CHAT: variants seen among roughly 807,000 people sequenced by gnomAD.
CHAT encodes the protein acetyl CoA:choline O-acetyltransferase.
CHAT carries 61 observed loss-of-function variants against 76.9 expected under a neutral mutation model. The ratio of observed to expected loss-of-function variants is 0.79; its 90% CI spans 0.65 to 0.98. The LOEUF is 0.98. Ranked by LOEUF, CHAT falls within the 50% of genes least tolerant of loss-of-function variation. The probability of loss-of-function intolerance (pLI) is 0.00; values close to 1 mark genes in which losing one functional copy is unlikely to be tolerated. For synonymous variants in CHAT, 407 were observed against 397.4 expected, an observed-to-expected ratio of 1.02 and a Z score of -0.29; for missense variants, 946 against 986.9, an observed-to-expected ratio of 0.96 and a Z score of 0.56.
intron 6 of CHAT, among the ~76,000 whole-genome samples, chr10:49,625,954 C>A (rs139070642): frequency 1.2e-3 from 183 of 152,328 alleles, no homozygotes; most frequent in African/African-American, 4.1e-3. Context: ...TCCATGCAGT[C>A]ACCCAGGCTC....
At position 49,615,784 on chromosome 10, in the gene CHAT, G is replaced by A. The variant is rs8178986; in HGVS notation, c.287-718G>A. The A allele has an allele frequency of 0.099, 53,365 of 537,370 alleles. 3,021 individuals carry two copies. Among genetic ancestry groups the A allele is most frequent in the Middle Eastern group, 0.12 (243 of 2,052 alleles). The allele number at this position is 537,370 out of a possible 1,614,324, so 33.3% of individuals were successfully genotyped here. ...GCCTCTCCCCAGACTAAGGCAGGTG[G>A]CCCCTAGGGGCCCTGGCTGCCCAGC... On this transcript the variant is annotated intron_variant, in intron 1 of 14. Coordinates refer to ENST00000337653, the MANE Select transcript of CHAT (RefSeq NM_020549.5).
intron 2 of CHAT, among the ~76,000 whole-genome samples, chr10:49,617,340 G>T (rs1212929827): frequency 6.6e-6 from 1 of 152,142 alleles, no homozygotes; most frequent in Non-Finnish European, 1.5e-5. Context: ...ACCCCATTGG[G>T]CTGTGGCTTC....
chr10:49,631,836 G>A lies in CHAT; in HGVS notation c.1111+4051G>A, dbSNP rs141116278. On this transcript the variant is annotated intron_variant, in intron 7 of 14. Coordinates refer to ENST00000337653, the MANE Select transcript of CHAT (RefSeq NM_020549.5). ...AGGATGGAGACTGGGCGTCCACATG[G>A]ATGCACATACTACCATAACGATGAT... 3.6e-3 allele frequency among the ~76,000 whole-genome samples: 547 copies of A among 152,210 alleles called. 3 individuals are homozygous for A. Among genetic ancestry groups the A allele is most frequent in the African/African-American group, 0.013 (520 of 41,506 alleles).
chr10:49,656,816 T>C (rs1840049335), intron 13 of CHAT, among the ~76,000 whole-genome samples: 1 of 152,012 alleles, frequency 6.6e-6, no homozygotes, highest in Non-Finnish European at 1.5e-5. Context: ...AGAACCTTTC[T>C]AATATGGAGG....
rs1261481689 is a variant in CHAT at position 49,667,251 on chromosome 10, A to G, written c.*2205A>G. Among the ~76,000 whole-genome samples the G allele has an allele frequency of 6.6e-6, 1 of 152,226 alleles. No homozygotes were observed. The highest frequency in any genetic ancestry group is 6.5e-5 in the Admixed American group (1 of 15,280). The stretch of plus-strand genomic sequence containing the variant: ...AGTCTCTCCTAGTCTATGGCATGCT[A>G]TCATGGGGTCAAGTAGGGGCAGGGA... On this transcript the variant is annotated 3_prime_UTR_variant, in exon 15 of 15. Transcript: ENST00000337653.
intron 4 of CHAT, among the ~76,000 whole-genome samples, chr10:49,620,856 T>C (rs1838681404): frequency 6.6e-6 from 1 of 152,210 alleles, no homozygotes; most frequent in Non-Finnish European, 1.5e-5. Context: ...TGGACACTCA[T>C]GGAGGTCATG....
chr10:49,662,553 G>A, intron 13 of CHAT, 92 bp from the exon 14 acceptor site: 2 of 1,537,916 alleles, frequency 1.3e-6, no homozygotes, highest in Non-Finnish European at 1.8e-6. Flanking sequence ...GGCTGCTGGA[G>A]TCACCAGCAG....
rs116852087 is a variant in CHAT, at chr10:49,626,189, C to T, written c.933+536C>T. 4.8e-3 allele frequency among the ~76,000 whole-genome samples: 730 copies of T among 152,262 alleles called. 3 individuals carry two copies. The highest frequency in any genetic ancestry group is 0.012 in the African/African-American group (491 of 41,564). On this transcript the variant is annotated intron_variant, in intron 6 of 14. Transcript: ENST00000337653. ...GAGTGGGAAGGAATCCTGGGTCTGG[C>T]CAGTGCCCTAAGGTCATGCTCTACC...
At chr10:49,633,288 T>G (rs763868520) in intron 7 of CHAT, among the ~76,000 whole-genome samples, 1 of 152,230 alleles carries the variant, frequency 6.6e-6, no homozygotes, top group Non-Finnish European at 1.5e-5. Flanking sequence ...GGTGTTTTCA[T>G]GTGCAGGCCA....
At chr10:49,633,749 C>G (rs530677486) in intron 7 of CHAT, among the ~76,000 whole-genome samples, 37 of 152,278 alleles carry the variant, frequency 2.4e-4, no homozygotes, top group African/African-American at 8.9e-4. Context: ...TGGAGAGCCC[C>G]CCAGCCCTCT....
upstream of CHAT, chr10:49,610,803 G>C: frequency 6.3e-7 from 1 of 1,593,402 alleles, no homozygotes; most frequent in Non-Finnish European, 8.5e-7. Context: ...CGGAGGCTGT[G>C]GGCGCGGCGC....
chr10:49,646,136 G>A (rs577981521), intron 7 of CHAT, among the ~76,000 whole-genome samples: 5 of 152,366 alleles, frequency 3.3e-5, no homozygotes, highest in African/African-American at 1.2e-4. Flanking sequence ...GGGTGCTGTT[G>A]GGTGGGGGAT....
chr10:49,637,520 G>A (rs773102261), intron 7 of CHAT: 9 of 152,190 alleles, frequency 5.9e-5, no homozygotes, highest in African/African-American at 2.4e-5. Context: ...CAGGAGATCT[G>A]ATGGTTTAAA....
chr10:49,640,334 T>C (rs12246493), intron 7 of CHAT, among the ~76,000 whole-genome samples: 1 of 152,174 alleles, frequency 6.6e-6, no homozygotes, highest in Non-Finnish European at 1.5e-5. Flanking sequence ...GGATATATTG[T>C]GTTATAAGAC....
At chr10:49,620,004 C>G in intron 3 of CHAT, 88 bp downstream of exon 3, 1 of 1,344,794 alleles carries the variant, frequency 7.4e-7, no homozygotes, top group Non-Finnish European at 1.0e-6. Context: ...AGGTAGGGGA[C>G]AAAGACAGGG....
At chr10:49,624,261 A>G (rs1838836041) in intron 5 of CHAT, among the ~76,000 whole-genome samples, 1 of 152,254 alleles carries the variant, frequency 6.6e-6, no homozygotes, top group African/African-American at 2.4e-5. Flanking sequence ...ATTGATTACT[A>G]GAAAAACGGT....
chr10:49,611,983 TCA>T, upstream of CHAT: 1 of 1,613,642 alleles, frequency 6.2e-7, no homozygotes, highest in African/African-American at 1.3e-5. Context: ...GCGCCATGTC[TCA>T]GTCTATGGCA....
At chr10:49,644,886 A>G (rs924449896) in intron 7 of CHAT, among the ~76,000 whole-genome samples, 1 of 152,136 alleles carries the variant, frequency 6.6e-6, no homozygotes, top group African/African-American at 2.4e-5. Context: ...AGATTTACTA[A>G]CCACCCTGGG....
upstream of CHAT, chr10:49,611,569 C>T (rs1184038417): frequency 6.2e-7 from 1 of 1,607,364 alleles, no homozygotes; most frequent in Non-Finnish European, 8.5e-7. Flanking sequence ...GGCCAACCTG[C>T]CAGTGGGCAC....
Sources: allele counts gnomAD v4.1 joint callset (sites outside exome capture counted in the v4.1 genomes callset), GRCh38; gene constraint gnomAD v4.1.1; transcripts MANE v1.5; gene names NCBI Gene and HGNC (gene_info 2026-07-23, HGNC 2026-07-21).